The following C1orf216 variants were observed in gnomAD, a reference collection of about 807,000 sequenced individuals.
C1orf216 encodes the protein chromosome 1 open reading frame 216, also known as UPF0500 protein C1orf216.
C1orf216 carries 18 observed loss-of-function variants against 16.4 expected under a neutral mutation model. The ratio of observed to expected loss-of-function variants is 1.10; its 90% confidence interval spans 0.76 to 1.63. The LOEUF (loss-of-function observed/expected upper bound fraction) is 1.63, where lower values mean the gene tolerates loss of function less well. C1orf216 is among the 40% of genes most tolerant of loss of function. The pLI is 0.00. For missense variants in C1orf216, 271 were observed against 297.6 expected, an observed-to-expected ratio of 0.91 and a Z score of 0.66; for synonymous variants, 115 against 116.9, an observed-to-expected ratio of 0.98 and a Z score of 0.11.
chr1:35,715,682 G>A lies in C1orf216; in HGVS notation c.640C>T (p.Arg214Cys), dbSNP rs775681300. Residue 214 changes from arginine to cysteine, a missense_variant, in exon 2 of 2, where the codon CGC (arginine) becomes TGC (cysteine). Physicochemically the swap from Arg to Cys is radical, Grantham distance 180. This residue lies in a region of C1orf216 where 220 missense variants were observed against 227.8 expected (regional missense o/e 0.97). Coordinates refer to ENST00000270815, the MANE Select transcript of C1orf216 (RefSeq NM_152374.2). The surrounding 1 kb of genome is among the most constrained non-coding windows in gnomAD (Gnocchi z 4.3). The part of the protein sequence containing the change: ...TILDNRKELI[R>C]CLQQRAAPSR... ...GGTGCTGCCCTCTGCTGGAGACAGC[G>A]AATAAGCTCCTTCCGGTTGTCTAGG... The A allele has an allele frequency of 3.1e-6, 5 of 1,613,992 alleles. No individual in the cohort carries two copies. Among genetic ancestry groups the A allele is most frequent in the East Asian group, 2.2e-5 (1 of 44,892 alleles).
intron 1 of C1orf216, 160 bp from the exon 2 acceptor site, chr1:35,716,486 G>A (rs1348098127): frequency 3.6e-5 from 23 of 637,708 alleles, no homozygotes; most frequent in Admixed American, 9.0e-5. Flanking sequence ...CGTGGTTTTC[G>A]TCCTCCCTGT....
Position 35,714,826 on chromosome 1 carries a change from CA to C in C1orf216, c.*805del, listed in dbSNP as rs1360692995. 2 of 152,434 alleles carry C rather than the reference CA, an allele frequency of 1.3e-5. No individual in the cohort carries two copies. Among genetic ancestry groups the C allele is most frequent in the Non-Finnish European group, 2.9e-5 (2 of 68,236 alleles). 9.4% of individuals were successfully genotyped at this position (152,434 alleles called of 1,614,324 possible). ...CTCCACACACTGCCAAAATTGCAGC[CA>C]AAATTCCATGGCAGGCCAGAGCAGC... is the stretch of plus-strand genomic sequence containing the variant. On this transcript the variant is annotated 3_prime_UTR_variant, in exon 2 of 2. Coordinates refer to ENST00000270815, the MANE Select transcript of C1orf216 (RefSeq NM_152374.2).
chr1:35,718,613 C>A (rs1362159433), intron 1 of C1orf216, 94 bp downstream of exon 1: 1 of 152,292 alleles, frequency 6.6e-6, no homozygotes. Flanking sequence ...GACCATCCTT[C>A]CCTAGTCTCC....
rs1272406853 is a variant in C1orf216, at chr1:35,715,591, AATATATAC to A, written c.*33_*40del. On this transcript the variant is annotated 3_prime_UTR_variant, in exon 2 of 2. Transcript: ENST00000270815. The surrounding 1 kb of genome is among the most constrained non-coding windows in gnomAD (Gnocchi z 4.3). ...CTAGTGCGCCTCACACATGCCTGCA[AATATATAC>A]ATATACCCTTGCACACTTGTGGAGG... 1 of 1,550,400 alleles carries A rather than the reference AATATATAC, an allele frequency of 6.4e-7. No individual in the cohort carries two copies. The highest frequency in any genetic ancestry group is 2.0e-5 in the Admixed American group (1 of 50,892).
chr1:35,715,292 C>T lies in C1orf216; in HGVS notation c.*340G>A. The T allele has an allele frequency of 3.1e-6, 1 of 322,820 alleles. No homozygotes were observed. Among genetic ancestry groups the T allele is most frequent in the Non-Finnish European group, 5.8e-6 (1 of 172,962 alleles). The allele number at this position is 322,820 out of a possible 1,614,324, so 20.0% of individuals were successfully genotyped here. A position where few individuals can be genotyped will look rare whatever the true frequency, so the allele number is the denominator to read the frequency against. ...CACACATCTTCTGCCTATACATCCT[C>T]ACTCATGCGCATATACACACACTGC... On this transcript the variant is annotated 3_prime_UTR_variant, in exon 2 of 2. Transcript: ENST00000270815. The surrounding 1 kb of genome is among the most constrained non-coding windows in gnomAD (Gnocchi z 4.3).
chr1:35,715,756 T>C lies in C1orf216; in HGVS notation c.566A>G (p.His189Arg), dbSNP rs1325914904. The C allele has an allele frequency of 3.1e-6, 5 of 1,614,182 alleles. No individual in the cohort carries two copies. Among genetic ancestry groups the C allele is most frequent in the East Asian group, 4.5e-5 (2 of 44,886 alleles). ...TCGGGCCTGCTGGTCAATCAACTGA[T>C]GCTGCAGGCCCCGGATCCACTGGAG... ...ALLQWIRGLQ[H>R]QLIDQQARLQ... Residue 189 changes from histidine to arginine, a missense_variant, in exon 2 of 2, where the codon CAT becomes CGT. By Grantham distance (29) the His-to-Arg change is conservative. Transcript: ENST00000270815. The surrounding 1 kb of genome is among the most constrained non-coding windows in gnomAD (Gnocchi z 4.3).
intron 1 of C1orf216, among the ~76,000 whole-genome samples, chr1:35,717,435 A>G (rs1356880158): frequency 6.6e-6 from 1 of 151,946 alleles, no homozygotes; most frequent in Non-Finnish European, 1.5e-5. Flanking sequence ...TTTGGCCTAC[A>G]ATATCCTTCC....
At chr1:35,716,492 C>T in intron 1 of C1orf216, 166 bp from the exon 2 acceptor site, 2 of 622,378 alleles carry the variant, frequency 3.2e-6, no homozygotes, top group East Asian at 2.8e-5. Context: ...TTTCGTCCTC[C>T]CTGTCTACCT....
chr1:35,717,747 T>A (rs1161398457), intron 1 of C1orf216, among the ~76,000 whole-genome samples: 1 of 152,188 alleles, frequency 6.6e-6, no homozygotes, highest in Non-Finnish European at 1.5e-5. Flanking sequence ...TAATAGCAGT[T>A]TGTAATCTGG....
rs1340509667 is a variant in C1orf216 at position 35,715,997 on chromosome 1, C to G, written c.325G>C (p.Glu109Gln). The G allele has an allele frequency of 6.2e-7, 1 of 1,614,002 alleles. No homozygotes were observed. The highest frequency in any genetic ancestry group is 8.5e-7 in the Non-Finnish European group (1 of 1,180,044). Residue 109 changes from glutamate (E) to glutamine (Q), a missense_variant, in exon 2 of 2, where the codon GAG becomes CAG. Glu to Gln is a conservative substitution (Grantham distance 29). Transcript: ENST00000270815. The surrounding 1 kb of genome is among the most constrained non-coding windows in gnomAD (Gnocchi z 4.3). The part of the protein sequence containing the change: ...GGAGTVCSPL[E>Q]DNGYASSSLS... ...GAACTGCTGGCATAGCCGTTGTCCT[C>G]CAGAGGGGAGCAGACTGTGCCAGCA...
Position 35,716,286 on chromosome 1 carries a change from GC to G in C1orf216, c.35del (p.Gly12AlafsTer46), listed in dbSNP as rs1640956202. The G allele has an allele frequency of 6.2e-7, 1 of 1,613,870 alleles. No individual in the cohort carries two copies. The highest frequency in any genetic ancestry group is 1.3e-5 in the African/African-American group (1 of 74,936). On this transcript the variant is annotated frameshift_variant, in exon 2 of 2. Coordinates refer to ENST00000270815, the MANE Select transcript of C1orf216 (RefSeq NM_152374.2). LOFTEE classifies it high-confidence loss of function. ...FAIQPGLAEG[G>X]QFLGDPPPGL... is the part of the protein sequence containing the mutation. ...CAGGAGGTGGGTCCCCCAGGAATTG[GC>G]CCCCCTCAGCTAGCCCTGGCTGGAT...
In C1orf216 at chr1:35,714,420, T is replaced by C. The variant is rs532380274; in HGVS notation, c.*1212A>G. On this transcript the variant is annotated 3_prime_UTR_variant, in exon 2 of 2. Transcript: ENST00000270815. ...CTTCAGAGAAATGAACCAAACCAAT[T>C]CAACATCCAATGCTGCTAAAGCCAG... 1 of 152,154 alleles carries C rather than the reference T, an allele frequency of 6.6e-6. No homozygotes were observed. The highest frequency in any genetic ancestry group is 2.4e-5 in the African/African-American group (1 of 41,476). The allele number at this position is 152,154 out of a possible 1,614,324, so 9.4% of individuals were successfully genotyped here. A position where few individuals can be genotyped will look rare whatever the true frequency, so the allele number is the denominator to read the frequency against.
rs151071525 is a variant in C1orf216 at position 35,715,753 on chromosome 1, T to C, written c.569A>G (p.Gln190Arg). ...LLQWIRGLQHQLIDQQARLQE... is the reference protein window; with the variant it reads ...LLQWIRGLQHRLIDQQARLQE... ...CAGTCGGGCCTGCTGGTCAATCAAC[T>C]GATGCTGCAGGCCCCGGATCCACTG... The change falls in exon 2 of 2, where the codon CAG becomes CGG. Residue 190 changes from glutamine to arginine, a missense_variant. Coordinates refer to ENST00000270815, the MANE Select transcript of C1orf216 (RefSeq NM_152374.2). The surrounding 1 kb of genome is among the most constrained non-coding windows in gnomAD (Gnocchi z 4.3). 3.4e-4 allele frequency: 542 copies of C among 1,614,148 alleles called. 7 individuals are homozygous for C. In the East Asian group the frequency reaches 0.012, roughly 36 times the overall value.
At chr1:35,716,432 C>T (rs981552103) in intron 1 of C1orf216, 106 bp from the exon 2 acceptor site, 18 of 976,002 alleles carry the variant, frequency 1.8e-5, no homozygotes, top group Non-Finnish European at 2.4e-5. Context: ...AGCCTGGCCA[C>T]TCCCTGTCAA....
intron 1 of C1orf216, among the ~76,000 whole-genome samples, chr1:35,717,603 A>T (rs957453781): frequency 6.6e-6 from 1 of 152,146 alleles, no homozygotes; most frequent in Non-Finnish European, 1.5e-5. Flanking sequence ...ACGGTTAGTT[A>T]TGCCTTCCTC....
intron 1 of C1orf216, among the ~76,000 whole-genome samples, 189 bp downstream of exon 1, chr1:35,718,518 C>T (rs1247486023): frequency 1.3e-5 from 2 of 152,174 alleles, no homozygotes; most frequent in Admixed American, 1.3e-4. Context: ...AGAACCCCGA[C>T]ACGCCAGGAC....
chr1:35,717,317 TG>T (rs1640971642), intron 1 of C1orf216, among the ~76,000 whole-genome samples: 1 of 152,128 alleles, frequency 6.6e-6, no homozygotes, highest in Non-Finnish European at 1.5e-5. Context: ...CTGTTTGATC[TG>T]GCCCCTGCTC....
chr1:35,716,129 G>A lies in C1orf216; in HGVS notation c.193C>T (p.Pro65Ser). The A allele has an allele frequency of 6.2e-7, 1 of 1,614,216 alleles. No homozygotes were observed. Among genetic ancestry groups the A allele is most frequent in the Non-Finnish European group, 8.5e-7 (1 of 1,180,018 alleles). Residue 65 changes from proline to serine, a missense_variant, in exon 2 of 2, where the codon CCC becomes TCC. Physicochemically the swap from Pro to Ser is moderately conservative, Grantham distance 74. Transcript: ENST00000270815. Reference sequence around the variant, plus strand: ...GCCTGGAAGGCTTGGTTGTCAGAGGGTGACTCAGAGGAGCTCCTCCTCAGG... The same window carrying A: ...GCCTGGAAGGCTTGGTTGTCAGAGGATGACTCAGAGGAGCTCCTCCTCAGG... ...PILRRSSSES[P>S]SDNQAFQAPG...
intron 1 of C1orf216, among the ~76,000 whole-genome samples, chr1:35,717,640 C>T (rs1404725684): frequency 2.0e-5 from 3 of 152,190 alleles, no homozygotes; most frequent in Non-Finnish European, 4.4e-5. Context: ...TGGGTATACA[C>T]TGTCTTATCC....
Sources: allele counts gnomAD v4.1 joint callset (sites outside exome capture counted in the v4.1 genomes callset), GRCh38; gene constraint gnomAD v4.1.1; regional missense constraint gnomAD v4.1.1; non-coding constraint Gnocchi (gnomAD v3.1); transcripts MANE v1.5; gene names NCBI Gene and HGNC (gene_info 2026-07-23, HGNC 2026-07-21).